Variants in DLG2 observed in about 807,000 individuals in gnomAD.
DLG2 encodes the protein discs large MAGUK scaffold protein 2.
Under a neutral mutation model 132.5 loss-of-function variants are expected in DLG2, and 45 were observed. The ratio of observed to expected loss-of-function variants is 0.34; its 90% CI spans 0.27 to 0.44. DLG2 has a LOEUF of 0.44. Among genes scored for constraint, DLG2 ranks in the 20% least tolerant of loss-of-function variants. The pLI, the probability that DLG2 is intolerant of heterozygous loss-of-function variation, is 1.00. For missense variants in DLG2, 1,045 were observed against 1,196.9 expected (o/e 0.87, Z 1.87); for synonymous variants, 424 against 419.6 (o/e 1.01, Z -0.13).
At chr11:84,200,946 C>T (rs1441492255) in intron 8 of DLG2, among the ~76,000 whole-genome samples, 3 of 152,184 alleles carry the variant, frequency 2.0e-5, no homozygotes, top group Admixed American at 2.0e-4. Context: ...ATTTCTTTCT[C>T]TTGCCTGATT....
intron 16 of DLG2, among the ~76,000 whole-genome samples, chr11:83,853,597 C>T (rs35420168): frequency 0.17 from 26,531 of 152,038 alleles, 2,842 homozygotes; most frequent in Middle Eastern, 0.35. Flanking sequence ...TGCATACTTG[C>T]TTTTCTCACT....
intron 7 of DLG2, among the ~76,000 whole-genome samples, chr11:84,268,609 A>C (rs541292608): frequency 9.6e-4 from 144 of 150,518 alleles, no homozygotes; most frequent in African/African-American, 3.4e-3. Flanking sequence ...CTACAGGCGC[A>C]TGCCACCACG....
chr11:83,496,161 G>C (rs1490480964), intron 21 of DLG2, among the ~76,000 whole-genome samples: 1 of 150,320 alleles, frequency 6.7e-6, no homozygotes, highest in Non-Finnish European at 1.5e-5. Flanking sequence ...ATGAGCTAGA[G>C]ACTTGACTGG....
chr11:84,575,583 G>C (rs921643199), intron 6 of DLG2, among the ~76,000 whole-genome samples: 1 of 152,012 alleles, frequency 6.6e-6, no homozygotes, highest in Admixed American at 6.6e-5. Flanking sequence ...TATTTATGGG[G>C]TACATGTGAT....
At chr11:83,515,812 G>C (rs2140179949) in intron 21 of DLG2, among the ~76,000 whole-genome samples, 1 of 152,330 alleles carries the variant, frequency 6.6e-6, no homozygotes, top group Non-Finnish European at 1.5e-5. Context: ...AGGTTGTTCA[G>C]TTTCCATGTA....
chr11:84,399,249 C>CTCTGG (rs1489827753), intron 7 of DLG2, among the ~76,000 whole-genome samples: 1 of 152,032 alleles, frequency 6.6e-6, no homozygotes, highest in Non-Finnish European at 1.5e-5. Context: ...TCACCTTTAA[C>CTCTGG]CCTCCTGAGA....
At chr11:84,040,701 C>T (rs559225042) in intron 11 of DLG2, among the ~76,000 whole-genome samples, 2,053 of 150,444 alleles carry the variant, frequency 0.014, 42 homozygotes, top group African/African-American at 0.043. Flanking sequence ...CTTGGTGATG[C>T]GGGCTCTTTT....
At chr11:83,866,020 A>C (rs931587876) in intron 16 of DLG2, among the ~76,000 whole-genome samples, 1 of 151,990 alleles carries the variant, frequency 6.6e-6, no homozygotes, top group Non-Finnish European at 1.5e-5. Context: ...GACCTCCCTG[A>C]CCACCCCGAC....
chr11:84,382,498 C>T (rs943175835), intron 7 of DLG2, among the ~76,000 whole-genome samples: 4 of 152,202 alleles, frequency 2.6e-5, no homozygotes, highest in Non-Finnish European at 4.4e-5. Flanking sequence ...TCGAATGAGA[C>T]GTTAAATGAT....
rs77004439 is a variant in DLG2, at chr11:83,823,336, C to T, written c.1722+10278G>A. Among the ~76,000 whole-genome samples the T allele has an allele frequency of 1.6e-4, 24 of 152,186 alleles. No individual in the cohort carries two copies. The East Asian group carries it at 4.1e-3, about 26-fold the overall frequency. ...CACTTTGAAACTTGTATAGGAAGTC[C>T]TTGCTACCCAAATTTTTTGGAAGAA... On this transcript the variant is annotated intron_variant, in intron 17 of 27. Coordinates refer to ENST00000376104, the MANE Select transcript of DLG2 (RefSeq NM_001142699.3).
chr11:85,260,805 A>T (rs2076899070), intron 4 of DLG2, among the ~76,000 whole-genome samples: 1 of 152,176 alleles, frequency 6.6e-6, no homozygotes, highest in Admixed American at 6.5e-5. Context: ...TGAGAAGAGC[A>T]GAACAATCAC....
At chr11:84,104,112 T>C (rs1018720963) in intron 9 of DLG2, among the ~76,000 whole-genome samples, 1 of 152,088 alleles carries the variant, frequency 6.6e-6, no homozygotes, top group Non-Finnish European at 1.5e-5. Context: ...TTTATCTGAA[T>C]GTGGGGATAG....
At chr11:83,655,001 T>C (rs1161520029) in intron 18 of DLG2, among the ~76,000 whole-genome samples, 2 of 152,132 alleles carry the variant, frequency 1.3e-5, no homozygotes, top group Non-Finnish European at 2.9e-5. Flanking sequence ...CCAGCCCATG[T>C]GAGAATGAAT....
chr11:83,478,309 G>A (rs1016833595), intron 22 of DLG2, among the ~76,000 whole-genome samples: 8 of 152,044 alleles, frequency 5.3e-5, no homozygotes, highest in African/African-American at 1.9e-4. Context: ...CTGAGTGGCT[G>A]GCCTTCTGTA....
At chr11:85,221,265 T>C (rs946879411) in intron 4 of DLG2, among the ~76,000 whole-genome samples, 2 of 152,032 alleles carry the variant, frequency 1.3e-5, no homozygotes, top group Admixed American at 1.3e-4. Context: ...CTCAATCTCC[T>C]GACCTCGTGA....
At position 85,431,466 on chromosome 11, in the gene DLG2, G is replaced by A. The variant is rs193018311; in HGVS notation, c.41-146101C>T. 4.6e-5 allele frequency among the ~76,000 whole-genome samples: 7 copies of A among 152,334 alleles called. No homozygotes were observed. In the South Asian group the frequency reaches 1.0e-3, roughly 23 times the overall value. On this transcript the variant is annotated intron_variant, in intron 3 of 27. Transcript: ENST00000376104. ...TACCAGGACCTTGGCTCCCAACCAC[G>A]GAGCCCTGCAGATTCTCAACAGCCA...
rs56913664 is a variant in DLG2, at chr11:83,945,806, C to CTGTGTGTGTG, written c.1341-15333_1341-15324dup. Among the ~76,000 whole-genome samples, 552 of 136,356 alleles carry CTGTGTGTGTG rather than the reference C, an allele frequency of 4.0e-3. 2 individuals are homozygous for CTGTGTGTGTG. Among genetic ancestry groups the CTGTGTGTGTG allele is most frequent in the Admixed American group, 6.4e-3 (86 of 13,510 alleles). 89.5% of individuals were successfully genotyped at this position (136,356 alleles called of 152,430 possible). ...AATTTATCCTATGAGAGAAATGCCT[C>CTGTGTGTGTG]TGTGTGTGTGTGTGTGTGTGTGTGT... On this transcript the variant is annotated intron_variant, in intron 14 of 27. Coordinates refer to ENST00000376104, the MANE Select transcript of DLG2 (RefSeq NM_001142699.3).
chr11:85,374,874 A>G (rs2152922416), intron 3 of DLG2, among the ~76,000 whole-genome samples: 1 of 152,286 alleles, frequency 6.6e-6, no homozygotes, highest in African/African-American at 2.4e-5. Context: ...AGGTTCTGTC[A>G]GAGACTATCT....
At chr11:83,747,275 T>TCTTC (rs61484895) in intron 18 of DLG2, among the ~76,000 whole-genome samples, 16,652 of 121,370 alleles carry the variant, frequency 0.14, 1,473 homozygotes, top group East Asian at 0.22. Context: ...TGCTTTAAAA[T>TCTTC]CTTCCTTCCT....
Sources: gnomAD v4.1 joint callset for allele counts (sites outside exome capture counted in the v4.1 genomes callset) on GRCh38, gnomAD v4.1.1 for gene constraint, MANE v1.5 for transcripts, NCBI Gene and HGNC (gene_info 2026-07-23, HGNC 2026-07-21) for gene names.